The following PAK1 variants were observed in gnomAD, a reference collection of about 807,000 sequenced individuals.
PAK1 encodes p21 (RAC1) activated kinase 1, also known as serine/threonine-protein kinase PAK 1.
A neutral mutation model predicts 67.4 loss-of-function variants in PAK1; 29 were observed. That is an observed-to-expected ratio of 0.43 (90% CI 0.32 to 0.59). The LOEUF (loss-of-function observed/expected upper bound fraction) is 0.59. PAK1 is among the 20% of genes least tolerant of loss of function. PAK1 has a pLI of 0.07. For missense variants in PAK1, 337 were observed against 670.7 expected (o/e 0.50, Z 5.50); for synonymous variants, 223 against 237.4 (o/e 0.94, Z 0.56).
chr11:77,461,664 T>C (rs1339130800), intron 1 of PAK1, among the ~76,000 whole-genome samples: 1 of 152,178 alleles, frequency 6.6e-6, no homozygotes, highest in Non-Finnish European at 1.5e-5. Context: ...TTTATGTATG[T>C]TTACATACAC....
chr11:77,428,493 A>G (rs1361512221), intron 1 of PAK1, among the ~76,000 whole-genome samples: 1 of 151,518 alleles, frequency 6.6e-6, no homozygotes, highest in Non-Finnish European at 1.5e-5. Context: ...AATGGCATGA[A>G]CCTAGGAGGC....
In PAK1 at chr11:77,332,720, G is replaced by C; in HGVS notation, c.1551+10C>G. 6.2e-7 allele frequency: 1 copy of C among 1,612,154 alleles called. No homozygotes were observed. Among genetic ancestry groups the C allele is most frequent in the Non-Finnish European group, 8.5e-7 (1 of 1,178,400 alleles). ...CTGAATTAGGTGCTTCCCTGCATAAGGACAGTTACCTGTAGCAGCTCTTTA... is the reference window on the plus strand; with the variant it reads ...CTGAATTAGGTGCTTCCCTGCATAACGACAGTTACCTGTAGCAGCTCTTTA... On this transcript the variant is annotated intron_variant, in intron 14 of 14. Coordinates refer to ENST00000356341, the MANE Select transcript of PAK1 (RefSeq NM_002576.5).
intron 1 of PAK1, among the ~76,000 whole-genome samples, chr11:77,432,111 G>A (rs535476658): frequency 6.6e-6 from 1 of 151,886 alleles, no homozygotes; most frequent in South Asian, 2.1e-4. Flanking sequence ...ATGACATAAT[G>A]ATTCCAGATA....
the PAK1 span, among the ~76,000 whole-genome samples, chr11:77,488,868 G>T: frequency 6.6e-6 from 1 of 152,008 alleles, no homozygotes; most frequent in Middle Eastern, 3.2e-3. Context: ...GAGAGATCTG[G>T]GTAAAAAGTT....
chr11:77,477,324 T>A (rs1958070067), upstream of PAK1, among the ~76,000 whole-genome samples: 1 of 152,182 alleles, frequency 6.6e-6, no homozygotes, highest in African/African-American at 2.4e-5. Flanking sequence ...TGAGTTCCTG[T>A]GGCATATTTC....
At chr11:77,483,376 G>T in the PAK1 span, among the ~76,000 whole-genome samples, 3 of 152,182 alleles carry the variant, frequency 2.0e-5, no homozygotes, top group Non-Finnish European at 4.4e-5. Flanking sequence ...ATGGGATGAG[G>T]AAAGTGAGGA....
At chr11:77,387,445 T>TA (rs1342541824) in intron 2 of PAK1, among the ~76,000 whole-genome samples, 2 of 152,234 alleles carry the variant, frequency 1.3e-5, no homozygotes, top group African/African-American at 4.8e-5. Context: ...GAGAGATAGT[T>TA]ATGTTACAAT....
rs372901018 is a variant in PAK1, at chr11:77,379,353, T to A, written c.327A>T (p.Thr109=). The change falls in exon 4 of 15, where the codon ACA becomes ACT. Residue 109 remains threonine, a synonymous_variant. Transcript: ENST00000356341. ...TCTGCTCCGACTTAGTGATATTTGATGTCTGAAGCAAGCGGGCCCACTGCT... is the reference window on the plus strand; with the variant it reads ...TCTGCTCCGACTTAGTGATATTTGAAGTCTGAAGCAAGCGGGCCCACTGCT... The part of the protein sequence containing the change: ...MPEQWARLLQ[T]SNITKSEQKK... 6 of 1,613,754 alleles carry A rather than the reference T, an allele frequency of 3.7e-6. No individual in the cohort carries two copies. The highest frequency in any genetic ancestry group is 5.1e-6 in the Non-Finnish European group (6 of 1,179,990).
At chr11:77,438,941 G>C (rs1956242735) in intron 1 of PAK1, among the ~76,000 whole-genome samples, 1 of 152,186 alleles carries the variant, frequency 6.6e-6, no homozygotes, top group Non-Finnish European at 1.5e-5. Context: ...TGAGGCTCTA[G>C]AACTGAGCTC....
intron 12 of PAK1, 93 bp downstream of exon 12, chr11:77,337,218 AAGACCCTTTGGTG>A (rs1251431766): frequency 3.6e-6 from 2 of 556,602 alleles, no homozygotes; most frequent in Non-Finnish European, 6.5e-6. Context: ...TGAAATCATA[AAGACCCTTTGGTG>A]AGTGTCGTAG....
chr11:77,340,069 G>A (rs931249311), intron 11 of PAK1, among the ~76,000 whole-genome samples: 1 of 152,166 alleles, frequency 6.6e-6, no homozygotes, highest in Non-Finnish European at 1.5e-5. Context: ...TAATAGCAAT[G>A]AGGAGAAAGG....
chr11:77,443,784 C>G (rs1050455248), intron 1 of PAK1, among the ~76,000 whole-genome samples: 2 of 152,014 alleles, frequency 1.3e-5, no homozygotes, highest in Admixed American at 1.3e-4. Flanking sequence ...AAAAAGGAAG[C>G]AAAATCACAG....
chr11:77,504,138 C>T, the PAK1 span, among the ~76,000 whole-genome samples: 4 of 152,190 alleles, frequency 2.6e-5, no homozygotes, highest in Admixed American at 6.5e-5. Flanking sequence ...AGTGATCTGC[C>T]CGCCTCAGCC....
the PAK1 span, among the ~76,000 whole-genome samples, chr11:77,526,162 T>C: frequency 5.3e-5 from 8 of 152,272 alleles, no homozygotes; most frequent in Non-Finnish European, 8.8e-5. Flanking sequence ...GGAGCTTGAC[T>C]ATTTTCCATG....
intron 8 of PAK1, among the ~76,000 whole-genome samples, chr11:77,352,186 C>T (rs959760626): frequency 1.3e-5 from 2 of 152,116 alleles, no homozygotes; most frequent in Admixed American, 6.6e-5. Context: ...TCATTACCCC[C>T]GAAGATTCCT....
chr11:77,471,458 A>G (rs892657976), intron 1 of PAK1, among the ~76,000 whole-genome samples: 10 of 152,244 alleles, frequency 6.6e-5, no homozygotes, highest in African/African-American at 2.4e-4. Flanking sequence ...CATGAGCCAG[A>G]GGATGGAAGA....
chr11:77,490,843 C>T, the PAK1 span, among the ~76,000 whole-genome samples: 10 of 152,134 alleles, frequency 6.6e-5, 1 homozygote, highest in Admixed American at 3.9e-4. Flanking sequence ...AACCCTGTGC[C>T]CTCTGAAACA....
chr11:77,463,640 T>C (rs1169650704), intron 1 of PAK1, among the ~76,000 whole-genome samples: 2 of 152,230 alleles, frequency 1.3e-5, no homozygotes, highest in Non-Finnish European at 2.9e-5. Context: ...CTTGTTCATC[T>C]CCTCATTCTA....
chr11:77,443,112 CAGG>C (rs1271489165), intron 1 of PAK1, among the ~76,000 whole-genome samples: 1 of 151,996 alleles, frequency 6.6e-6, no homozygotes, highest in Non-Finnish European at 1.5e-5. Context: ...ATCACGAGGT[CAGG>C]AGATCAAGAC....
Sources: allele counts gnomAD v4.1 joint callset (sites outside exome capture counted in the v4.1 genomes callset), GRCh38; gene constraint gnomAD v4.1.1; transcripts MANE v1.5; gene names NCBI Gene and HGNC (gene_info 2026-07-23, HGNC 2026-07-21).